Variants in MARCHF1 observed in about 807,000 individuals in gnomAD.
MARCHF1 encodes the protein E3 ubiquitin-protein ligase MARCHF1.
MARCHF1 carries 40 observed loss-of-function variants against 54.2 expected under a neutral mutation model. The ratio of observed to expected loss-of-function variants is 0.74; its 90% CI spans 0.57 to 0.96. The LOEUF (loss-of-function observed/expected upper bound fraction) is 0.96. MARCHF1 is among the 40% of genes least tolerant of loss of function. The pLI is 0.00. For synonymous variants in MARCHF1, 236 were observed against 236.3 expected (o/e 1.00, Z 0.01); for missense variants, 586 against 656.5 (o/e 0.89, Z 1.17).
chr4:164,264,306 G>T (rs374583769), intron 1 of MARCHF1, among the ~76,000 whole-genome samples: 11 of 152,100 alleles, frequency 7.2e-5, no homozygotes, highest in East Asian at 1.9e-4. Context: ...TGAACACAAC[G>T]AATAAAACAG....
Position 164,197,726 on chromosome 4 carries a change from G to C in MARCHF1, c.-322-86064C>G, listed in dbSNP as rs72987729. ...CCCATCTCCATCTCTCGCGCTCTCT[G>C]TCTGCAGAGGCTCTCGTGCCAGCCG... is the stretch of plus-strand genomic sequence containing the variant. On this transcript the variant is annotated intron_variant, in intron 1 of 9. Transcript: ENST00000514618. The C allele has an allele frequency of 2.2e-3, 3,484 of 1,611,418 alleles. 71 individuals carry two copies. In the African/African-American group the frequency reaches 0.042, roughly 20 times the overall value.
At chr4:163,872,261 T>C (rs938758358) in intron 3 of MARCHF1, among the ~76,000 whole-genome samples, 1 of 152,162 alleles carries the variant, frequency 6.6e-6, no homozygotes, top group African/African-American at 2.4e-5. Context: ...ACTAAGTAGA[T>C]TGCCTGCCCA....
intron 2 of MARCHF1, among the ~76,000 whole-genome samples, chr4:163,994,592 A>G (rs1321776351): frequency 6.6e-6 from 1 of 152,028 alleles, no homozygotes; most frequent in Non-Finnish European, 1.5e-5. Flanking sequence ...TAAAAAAAAG[A>G]AAGAAGTAGT....
At chr4:163,545,804 T>A in intron 8 of MARCHF1, 61 bp from the exon 9 acceptor site, 1 of 1,508,516 alleles carries the variant, frequency 6.6e-7, no homozygotes. Context: ...TGCTCCTCTT[T>A]TATTTCCCAG....
chr4:164,373,757 A>G (rs1464512141), intron 1 of MARCHF1, among the ~76,000 whole-genome samples: 1 of 152,220 alleles, frequency 6.6e-6, no homozygotes, highest in Non-Finnish European at 1.5e-5. Flanking sequence ...CTAAAGGCAT[A>G]CATCTCCCAG....
chr4:163,726,522 T>G (rs1445974403), intron 4 of MARCHF1, among the ~76,000 whole-genome samples: 1 of 152,194 alleles, frequency 6.6e-6, no homozygotes, highest in Non-Finnish European at 1.5e-5. Flanking sequence ...AAAGGCATCT[T>G]GTTGTTCTTA....
chr4:163,705,308 A>G (rs1165474192), intron 4 of MARCHF1, among the ~76,000 whole-genome samples: 4 of 151,684 alleles, frequency 2.6e-5, no homozygotes, highest in African/African-American at 9.7e-5. Context: ...AGATGTGTTA[A>G]GATAGTACTC....
intron 1 of MARCHF1, among the ~76,000 whole-genome samples, chr4:164,114,810 A>T (rs539510363): frequency 6.6e-6 from 1 of 151,780 alleles, no homozygotes; most frequent in South Asian, 2.1e-4. Context: ...CCAAAAAAAA[A>T]AAAGGCAGAG....
intron 1 of MARCHF1, among the ~76,000 whole-genome samples, chr4:164,270,188 C>T (rs1733707844): frequency 2.0e-5 from 3 of 152,186 alleles, no homozygotes; most frequent in African/African-American, 7.2e-5. Context: ...TCCACAAAAA[C>T]TCCAGCATTA....
chr4:163,839,552 C>A (rs541418884), intron 4 of MARCHF1, among the ~76,000 whole-genome samples: 82 of 152,190 alleles, frequency 5.4e-4, no homozygotes, highest in African/African-American at 1.9e-3. Context: ...ACACATGCTA[C>A]AACATGGATG....
intron 1 of MARCHF1, chr4:164,197,548 G>A: frequency 6.2e-7 from 1 of 1,613,400 alleles, no homozygotes; most frequent in Admixed American, 1.7e-5. Flanking sequence ...TGAGATTGAG[G>A]TGAGGCCTCC....
At chr4:163,603,144 G>T (rs1004036601) in intron 7 of MARCHF1, among the ~76,000 whole-genome samples, 4 of 145,770 alleles carry the variant, frequency 2.7e-5, no homozygotes, top group East Asian at 4.2e-4. Flanking sequence ...TTGTCTGAAA[G>T]ATTAAGGTAA....
At chr4:163,972,952 G>T (rs1752579036) in intron 3 of MARCHF1, among the ~76,000 whole-genome samples, 1 of 152,154 alleles carries the variant, frequency 6.6e-6, no homozygotes, top group African/African-American at 2.4e-5. Flanking sequence ...AATTGTTATG[G>T]TTGTAAAGTT....
At chr4:163,758,355 C>G (rs1479008465) in intron 4 of MARCHF1, among the ~76,000 whole-genome samples, 1 of 152,134 alleles carries the variant, frequency 6.6e-6, no homozygotes, top group Non-Finnish European at 1.5e-5. Context: ...AAGACCAAGA[C>G]AATGTGAGTG....
At chr4:164,249,455 G>A (rs945386325) in intron 1 of MARCHF1, among the ~76,000 whole-genome samples, 1 of 152,038 alleles carries the variant, frequency 6.6e-6, no homozygotes, top group African/African-American at 2.4e-5. Context: ...GCTTAATGTA[G>A]GCAGCAGGGG....
intron 1 of MARCHF1, among the ~76,000 whole-genome samples, chr4:164,143,286 G>A (rs1212548667): frequency 3.4e-5 from 5 of 148,846 alleles, no homozygotes; most frequent in Non-Finnish European, 6.0e-5. Context: ...AATCTAGCAA[G>A]GCAGGCCAAC....
chr4:163,676,135 G>A (rs1225973742), intron 5 of MARCHF1, among the ~76,000 whole-genome samples: 1 of 146,460 alleles, frequency 6.8e-6, no homozygotes, highest in East Asian at 2.0e-4. Context: ...CTGAGGTCAG[G>A]AGTTCTACAG....
At position 163,527,899 on chromosome 4, in the gene MARCHF1, C is replaced by CAAACA. The variant is rs558368312; in HGVS notation, c.*844_*848dup. ...TTTAAAAAATCAAAATTCATTTTAA[C>CAAACA]AAACAAACATTTATTTTTACTTTTT... On this transcript the variant is annotated 3_prime_UTR_variant, in exon 10 of 10. Transcript: ENST00000514618. The CAAACA allele has an allele frequency of 1.3e-5, 2 of 152,044 alleles. No individual in the cohort carries two copies. The highest frequency in any genetic ancestry group is 4.8e-5 in the African/African-American group (2 of 41,350). 9.4% of individuals were successfully genotyped at this position (152,044 alleles called of 1,614,324 possible). A position where few individuals can be genotyped will look rare whatever the true frequency, so the allele number is the denominator to read the frequency against.
intron 9 of MARCHF1, among the ~76,000 whole-genome samples, chr4:163,537,492 T>A (rs1738575370): frequency 6.6e-6 from 1 of 152,196 alleles, no homozygotes; most frequent in Non-Finnish European, 1.5e-5. Context: ...ATTTGCCGAT[T>A]TCGCAGAGGA....
Sources: allele counts gnomAD v4.1 joint callset (sites outside exome capture counted in the v4.1 genomes callset), GRCh38; gene constraint gnomAD v4.1.1; transcripts MANE v1.5; gene names NCBI Gene and HGNC (gene_info 2026-07-23, HGNC 2026-07-21).